The following CELA1 variants were observed in gnomAD, a reference collection of about 807,000 sequenced individuals.
CELA1 encodes chymotrypsin-like elastase family member 1.
A neutral mutation model predicts 34.8 loss-of-function variants in CELA1; 28 were observed. That is an observed-to-expected ratio of 0.80 (90% CI 0.60 to 1.10). The LOEUF (loss-of-function observed/expected upper bound fraction) is 1.10. Ranked by LOEUF, CELA1 falls within the 50% of genes least tolerant of loss-of-function variation. The pLI is 0.00. For synonymous variants in CELA1, 140 were observed against 129.8 expected (o/e 1.08, Z -0.53); for missense variants, 288 against 327.5 (o/e 0.88, Z 0.93).
chr12:51,343,268 A>C (rs895747286), intron 3 of CELA1, among the ~76,000 whole-genome samples: 2 of 152,184 alleles, frequency 1.3e-5, no homozygotes, highest in Non-Finnish European at 2.9e-5. Context: ...GAAACTTGTT[A>C]GAAATGCAAA....
chr12:51,343,328 G>A (rs1946549073), intron 3 of CELA1, among the ~76,000 whole-genome samples: 1 of 152,096 alleles, frequency 6.6e-6, no homozygotes, highest in Admixed American at 6.6e-5. Context: ...TGCTGGATGG[G>A]GCCCAGCAAT....
chr12:51,329,872 T>C (rs1259111128), intron 6 of CELA1, 39 bp from the exon 7 acceptor site: 1 of 1,554,902 alleles, frequency 6.4e-7, no homozygotes, highest in East Asian at 2.3e-5. Context: ...ACTCCAGATC[T>C]TCGGGCTTTT....
At position 51,345,833 on chromosome 12, in the gene CELA1, C is replaced by T. The variant is rs1355480488; in HGVS notation, c.61G>A (p.Gly21Arg). The change falls in exon 2 of 8, where the codon GGA becomes AGA. Residue 21 changes from glycine (G) to arginine (R), a missense_variant. Coordinates refer to ENST00000293636, the MANE Select transcript of CELA1 (RefSeq NM_001971.6). The stretch of plus-strand genomic sequence containing the variant: ...GAATTCCTCCCGGCCTCAGTCCCTC[C>T]GACTACGCGGGCATTGGTTTCCGGA... ...DLPETNARVVGGTEAGRNSWP... is the reference protein window; with the variant it reads ...DLPETNARVVRGTEAGRNSWP... 4 of 1,559,372 alleles carry T rather than the reference C, an allele frequency of 2.6e-6. No homozygotes were observed. The highest frequency in any genetic ancestry group is 1.4e-5 in the African/African-American group (1 of 73,484).
chr12:51,344,462 G>A (rs1476495121), intron 2 of CELA1, among the ~76,000 whole-genome samples: 1 of 152,186 alleles, frequency 6.6e-6, no homozygotes, highest in Non-Finnish European at 1.5e-5. Context: ...GGAGGCCAAG[G>A]CGGGTGGATC....
At position 51,330,408 on chromosome 12, in the gene CELA1, C is replaced by G. The variant is rs150065921; in HGVS notation, c.610-575G>C. Among the ~76,000 whole-genome samples, 26 of 152,306 alleles carry G rather than the reference C, an allele frequency of 1.7e-4. No homozygotes were observed. In the East Asian group the frequency reaches 4.8e-3, roughly 28 times the overall value. ...ATATGATCTTGCCTCCCTTCTTACT[C>G]AGCTTCTAGAATGCCAGGTCCATAA... On this transcript the variant is annotated intron_variant, in intron 6 of 7. Coordinates refer to ENST00000293636, the MANE Select transcript of CELA1 (RefSeq NM_001971.6).
chr12:51,333,576 A>C (rs779663280), intron 6 of CELA1, among the ~76,000 whole-genome samples: 1 of 151,806 alleles, frequency 6.6e-6, no homozygotes, highest in South Asian at 2.1e-4. Flanking sequence ...AAATTTTTGC[A>C]GAGACAGGGT....
intron 7 of CELA1, 31 bp from the exon 8 acceptor site, chr12:51,328,625 G>GT (rs17860373): frequency 0.1 from 160,776 of 1,612,672 alleles, 8,358 homozygotes; most frequent in African/African-American, 0.11. Context: ...TCCACAGTCA[G>GT]TAACTCCTGC....
intron 1 of CELA1, 130 bp downstream of exon 1, chr12:51,346,493 C>G: frequency 1.2e-6 from 1 of 811,272 alleles, no homozygotes; most frequent in Admixed American, 2.4e-5. Flanking sequence ...TGCCCTGGGA[C>G]AGGGTGCTGG....
In CELA1 at chr12:51,342,697, C is replaced by G. The variant is rs963254668; in HGVS notation, c.204G>C (p.Gln68His). Residue 68 changes from glutamine to histidine, a missense_variant, in exon 4 of 8, where the codon CAG becomes CAC. Physicochemically the swap from Gln to His is conservative, Grantham distance 24. Transcript: ENST00000293636. ...VMTAAHCVDY[Q>H]KTFRVVAGDH... ...CTCCAGCCACCACGCGGAAAGTCTT[C>G]TGGCTGGCGTGAGAGAAGGAATCCC... 9.3e-6 allele frequency: 15 copies of G among 1,614,124 alleles called. No homozygotes were observed. In the East Asian group the frequency reaches 2.9e-4, roughly 31 times the overall value.
At chr12:51,334,844 C>A (rs1287971333) in intron 6 of CELA1, among the ~76,000 whole-genome samples, 1 of 152,162 alleles carries the variant, frequency 6.6e-6, no homozygotes, top group Non-Finnish European at 1.5e-5. Flanking sequence ...CCCAATCATG[C>A]AGGAAACCGT....
At chr12:51,336,398 C>T (rs1019001768) in intron 6 of CELA1, among the ~76,000 whole-genome samples, 1 of 152,090 alleles carries the variant, frequency 6.6e-6, no homozygotes, top group African/African-American at 2.4e-5. Flanking sequence ...AATCCCAGCA[C>T]TTTGGGAGGC....
chr12:51,329,583 G>T, intron 7 of CELA1, 101 bp downstream of exon 7: 3 of 1,246,212 alleles, frequency 2.4e-6, no homozygotes, highest in Non-Finnish European at 3.3e-6. Context: ...TGGTAAGGAA[G>T]ATGACGGCTT....
chr12:51,346,654 G>A lies in CELA1; in HGVS notation c.-16C>T. 2 of 1,591,964 alleles carry A rather than the reference G, an allele frequency of 1.3e-6. No homozygotes were observed. On this transcript the variant is annotated 5_prime_UTR_variant, in exon 1 of 8. Coordinates refer to ENST00000293636, the MANE Select transcript of CELA1 (RefSeq NM_001971.6). ...GGACCAGCATGTTGCCGATGGAGTAGACCACTGCCTTCTTGCTTGGACCAA... is the reference window on the plus strand; with the variant it reads ...GGACCAGCATGTTGCCGATGGAGTAAACCACTGCCTTCTTGCTTGGACCAA...
chr12:51,345,725 A>G, intron 2 of CELA1, 70 bp downstream of exon 2: 1 of 1,087,994 alleles, frequency 9.2e-7, no homozygotes, highest in Non-Finnish European at 1.4e-6. Context: ...GCACAAATAC[A>G]CATGATACCT....
chr12:51,330,746 G>A (rs1159337793), intron 6 of CELA1, among the ~76,000 whole-genome samples: 8 of 152,086 alleles, frequency 5.3e-5, no homozygotes, highest in African/African-American at 1.2e-4. Context: ...TGAGGCGGGC[G>A]GATCACGAGG....
chr12:51,337,145 G>T lies in CELA1; in HGVS notation c.609+2715C>A, dbSNP rs1946503394. Among the ~76,000 whole-genome samples, 5 of 152,046 alleles carry T rather than the reference G, an allele frequency of 3.3e-5. No individual in the cohort carries two copies. In the South Asian group the frequency reaches 1.0e-3, roughly 32 times the overall value. Reference sequence around the variant, plus strand: ...GTGGTAGCTTCTATTCTAGCCCACGGGTCAGCAAACCTCTTCTGTTAAGGG... The same window carrying T: ...GTGGTAGCTTCTATTCTAGCCCACGTGTCAGCAAACCTCTTCTGTTAAGGG... On this transcript the variant is annotated intron_variant, in intron 6 of 7. Coordinates refer to ENST00000293636, the MANE Select transcript of CELA1 (RefSeq NM_001971.6).
At chr12:51,330,374 G>A (rs1451572137) in intron 6 of CELA1, among the ~76,000 whole-genome samples, 4 of 152,182 alleles carry the variant, frequency 2.6e-5, no homozygotes, top group Non-Finnish European at 5.9e-5. Flanking sequence ...GGGAACCTGG[G>A]TTTATGGAAT....
intron 6 of CELA1, among the ~76,000 whole-genome samples, chr12:51,335,024 T>A (rs1050370753): frequency 5.9e-5 from 9 of 152,154 alleles, no homozygotes; most frequent in African/African-American, 2.2e-4. Flanking sequence ...TCCTAGTTCA[T>A]GAGTAACTAG....
chr12:51,341,475 G>T, intron 4 of CELA1, 95 bp from the exon 5 acceptor site: 1 of 1,405,416 alleles, frequency 7.1e-7, no homozygotes, highest in Non-Finnish European at 9.8e-7. Flanking sequence ...TATCCCCGTG[G>T]AATTGGAAAG....
Sources: gnomAD v4.1 joint callset for allele counts (sites outside exome capture counted in the v4.1 genomes callset) on GRCh38, gnomAD v4.1.1 for gene constraint, MANE v1.5 for transcripts, NCBI Gene and HGNC (gene_info 2026-07-23, HGNC 2026-07-21) for gene names.